ZC3H12C: variants seen among roughly 807,000 people sequenced by gnomAD.
ZC3H12C encodes the protein probable ribonuclease ZC3H12C.
In ZC3H12C, 20 loss-of-function variants were observed where a neutral mutation model predicts 76.3. That is an observed-to-expected ratio of 0.26 (90% CI 0.18 to 0.38). The LOEUF is 0.38. ZC3H12C is among the 10% of genes least tolerant of loss of function. The pLI is 1.00. For missense variants in ZC3H12C, 874 were observed against 1,086.5 expected, an observed-to-expected ratio of 0.80 and a Z score of 2.75; for synonymous variants, 352 against 399.6, an observed-to-expected ratio of 0.88 and a Z score of 1.42.
chr11:110,126,281 C>T (rs1371246570), intron 1 of ZC3H12C, among the ~76,000 whole-genome samples: 2 of 137,844 alleles, frequency 1.5e-5, no homozygotes, highest in African/African-American at 5.4e-5. Context: ...TGGAGTGCAA[C>T]TCCAGCTCAC....
intron 1 of ZC3H12C, among the ~76,000 whole-genome samples, chr11:110,125,921 C>T (rs616436): frequency 6.6e-6 from 1 of 151,918 alleles, no homozygotes; most frequent in Non-Finnish European, 1.5e-5. Context: ...AGTCTAGAAG[C>T]TCTGCAAATG....
At chr11:110,137,882 G>C (rs1024083067) in intron 2 of ZC3H12C, among the ~76,000 whole-genome samples, 1 of 152,036 alleles carries the variant, frequency 6.6e-6, no homozygotes, top group Non-Finnish European at 1.5e-5. Flanking sequence ...TTTGTAATTT[G>C]AGTTGTTTTC....
At chr11:110,133,053 AAT>A (rs1325708502) in intron 1 of ZC3H12C, among the ~76,000 whole-genome samples, 1 of 152,148 alleles carries the variant, frequency 6.6e-6, no homozygotes, top group African/African-American at 2.4e-5. Flanking sequence ...TATATTAACA[AAT>A]ACTGCAGCCT....
rs145250339 is a variant in ZC3H12C at position 110,155,157 on chromosome 11, C to T, written c.913+2099C>T. Among the ~76,000 whole-genome samples, 206 of 152,046 alleles carry T rather than the reference C, an allele frequency of 1.4e-3. 3 individuals carry two copies. The highest frequency in any genetic ancestry group is 4.7e-3 in the African/African-American group (194 of 41,472). ...ACAAAAAATTAGCTGGGCCTGGTGG[C>T]GGGCACCTGTAATCCCAGCTATTAG... is the stretch of plus-strand genomic sequence containing the variant. On this transcript the variant is annotated intron_variant, in intron 3 of 5. Transcript: ENST00000278590.
At position 110,170,033 on chromosome 11, in the gene ZC3H12C, A is replaced by G. The variant is rs747381573; in HGVS notation, c.*4296A>G. The G allele has an allele frequency of 6.6e-5, 10 of 152,244 alleles. No individual in the cohort carries two copies. Among genetic ancestry groups the G allele is most frequent in the Non-Finnish European group, 1.0e-4 (7 of 68,022 alleles). 9.4% of individuals were successfully genotyped at this position (152,244 alleles called of 1,614,324 possible). On this transcript the variant is annotated 3_prime_UTR_variant, in exon 6 of 6. Coordinates refer to ENST00000278590, the MANE Select transcript of ZC3H12C (RefSeq NM_033390.2). ...AGTAAATCCTGGTATATGTTAATAGAAGAAATCATAATTGCATTTCAGTTG... is the reference window on the plus strand; with the variant it reads ...AGTAAATCCTGGTATATGTTAATAGGAGAAATCATAATTGCATTTCAGTTG...
In ZC3H12C at chr11:110,170,030, T is replaced by C. The variant is rs925479838; in HGVS notation, c.*4293T>C. ...AGCAGTAAATCCTGGTATATGTTAA[T>C]AGAAGAAATCATAATTGCATTTCAG... On this transcript the variant is annotated 3_prime_UTR_variant, in exon 6 of 6. Coordinates refer to ENST00000278590, the MANE Select transcript of ZC3H12C (RefSeq NM_033390.2). 4 of 152,234 alleles carry C rather than the reference T, an allele frequency of 2.6e-5. No individual in the cohort carries two copies. The highest frequency in any genetic ancestry group is 9.6e-5 in the African/African-American group (4 of 41,470). 9.4% of individuals were successfully genotyped at this position (152,234 alleles called of 1,614,324 possible).
chr11:110,128,885 C>A (rs1386120446), intron 1 of ZC3H12C, among the ~76,000 whole-genome samples: 10 of 109,214 alleles, frequency 9.2e-5, no homozygotes, highest in Non-Finnish European at 1.3e-4. Context: ...ATCACCACCA[C>A]TAACAAAAAA....
rs1292384902 is a variant in ZC3H12C at position 110,166,627 on chromosome 11, C to CTT, written c.*894_*895dup. The stretch of plus-strand genomic sequence containing the variant: ...TAACCTGTATTTTTAATATGTCTGT[C>CTT]TTTTTGTTTTGGGGCACAACAATAC... On this transcript the variant is annotated 3_prime_UTR_variant, in exon 6 of 6. Transcript: ENST00000278590. The CTT allele has an allele frequency of 6.6e-6, 1 of 152,106 alleles. No individual in the cohort carries two copies. The highest frequency in any genetic ancestry group is 1.5e-5 in the Non-Finnish European group (1 of 68,010). The allele number at this position is 152,106 out of a possible 1,614,324, so 9.4% of individuals were successfully genotyped here.
At chr11:110,120,626 G>A (rs529701663) in intron 1 of ZC3H12C, among the ~76,000 whole-genome samples, 42 of 152,266 alleles carry the variant, frequency 2.8e-4, no homozygotes, top group African/African-American at 1.0e-3. Context: ...CTGCACACTT[G>A]TCTGTGGAAT....
intron 1 of ZC3H12C, among the ~76,000 whole-genome samples, chr11:110,112,226 T>C (rs1195982149): frequency 6.6e-6 from 1 of 152,182 alleles, no homozygotes; most frequent in Admixed American, 6.5e-5. Flanking sequence ...TGAGACAGGG[T>C]CTGGCTTTGT....
At chr11:110,102,007 T>C (rs186019801) in intron 1 of ZC3H12C, among the ~76,000 whole-genome samples, 1 of 151,922 alleles carries the variant, frequency 6.6e-6, no homozygotes, top group Admixed American at 6.5e-5. Context: ...AAATATGTAA[T>C]ATTACTATTC....
intron 2 of ZC3H12C, among the ~76,000 whole-genome samples, chr11:110,138,912 C>T (rs963301509): frequency 1.3e-5 from 2 of 152,140 alleles, no homozygotes; most frequent in Non-Finnish European, 2.9e-5. Context: ...TCTTATAGCA[C>T]ATCTCAATTT....
intron 3 of ZC3H12C, 100 bp downstream of exon 3, chr11:110,153,158 G>C: frequency 7.1e-7 from 1 of 1,405,626 alleles, no homozygotes; most frequent in Non-Finnish European, 9.5e-7. Context: ...CACTTGCTCA[G>C]CGCAGGCAGT....
intron 2 of ZC3H12C, among the ~76,000 whole-genome samples, chr11:110,146,559 T>G (rs1862174856): frequency 6.6e-6 from 1 of 152,204 alleles, no homozygotes; most frequent in Non-Finnish European, 1.5e-5. Context: ...CTCTTGCATC[T>G]TCCTCAGTCT....
chr11:110,131,829 A>G (rs1861871765), intron 1 of ZC3H12C: 1 of 152,266 alleles, frequency 6.6e-6, no homozygotes, highest in Non-Finnish European at 1.5e-5. Flanking sequence ...CATTTCTACC[A>G]CATGCCCTAT....
intron 2 of ZC3H12C, among the ~76,000 whole-genome samples, chr11:110,143,740 T>C (rs1408586381): frequency 6.6e-6 from 1 of 152,160 alleles, no homozygotes; most frequent in African/African-American, 2.4e-5. Context: ...TCCAGGCTGG[T>C]TGAACTCCTG....
At chr11:110,096,055 C>A (rs750044544) in intron 1 of ZC3H12C, among the ~76,000 whole-genome samples, 12 of 152,122 alleles carry the variant, frequency 7.9e-5, no homozygotes, top group Non-Finnish European at 1.5e-4. Flanking sequence ...GCCTCATGGA[C>A]CTGCAGCATA....
chr11:110,148,018 AG>A (rs1862201849), intron 2 of ZC3H12C, among the ~76,000 whole-genome samples: 1 of 152,232 alleles, frequency 6.6e-6, no homozygotes, highest in African/African-American at 2.4e-5. Context: ...ACCTAGATAG[AG>A]GCAAAGAAGG....
rs922243358 is a variant in ZC3H12C at position 110,165,041 on chromosome 11, C to T, written c.1956C>T (p.Pro652=). ...GYNDRSYVSS[P]DPQLEENLKC... ...ATGACCGGTCCTATGTCAGCTCCCC[C>T]GACCCACAGCTAGAGGAGAATTTGA... is the stretch of plus-strand genomic sequence containing the variant. Residue 652 remains proline (P), a synonymous_variant, in exon 6 of 6, where the codon CCC becomes CCT. Coordinates refer to ENST00000278590, the MANE Select transcript of ZC3H12C (RefSeq NM_033390.2). The T allele has an allele frequency of 6.2e-7, 1 of 1,613,868 alleles. No homozygotes were observed. Among genetic ancestry groups the T allele is most frequent in the South Asian group, 1.1e-5 (1 of 91,074 alleles).
Sources: allele counts gnomAD v4.1 joint callset (sites outside exome capture counted in the v4.1 genomes callset), GRCh38; gene constraint gnomAD v4.1.1; transcripts MANE v1.5; gene names NCBI Gene and HGNC (gene_info 2026-07-23, HGNC 2026-07-21).